The following CPAMD8 variants were observed in gnomAD, a reference collection of about 807,000 sequenced individuals.
CPAMD8 encodes the protein C3 and PZP like alpha-2-macroglobulin domain containing 8.
In CPAMD8, 146 loss-of-function variants were observed where a neutral mutation model predicts 224.7. That is an observed-to-expected ratio of 0.65 (90% CI 0.57 to 0.75). CPAMD8 has a LOEUF of 0.75. CPAMD8 is among the 30% of genes least tolerant of loss of function. The pLI is 0.00. For missense variants in CPAMD8, 2,301 were observed against 2,537.5 expected (o/e 0.91, Z 2.00); for synonymous variants, 966 against 1,044.6 (o/e 0.92, Z 1.45).
At chr19:16,912,778 T>C (rs896294323) in intron 29 of CPAMD8, among the ~76,000 whole-genome samples, 1 of 151,828 alleles carries the variant, frequency 6.6e-6, no homozygotes, top group Non-Finnish European at 1.5e-5. Context: ...CACCTCAAGA[T>C]ATGTGTCATA....
rs561616813 is a variant in CPAMD8 at position 16,957,916 on chromosome 19, C to A, written c.2214-1G>T. The A allele has an allele frequency of 1.9e-6, 3 of 1,612,566 alleles. No homozygotes were observed. The highest frequency in any genetic ancestry group is 2.5e-6 in the Non-Finnish European group (3 of 1,179,420). On this transcript the variant is annotated splice_acceptor_variant, in intron 18 of 41. Transcript: ENST00000443236. LOFTEE classifies it high-confidence loss of function. ...GAAAGTCCTTTTTCTCTTCTCTGTT[C>A]TATGAAAAGAAAAAAAGAAACGATT... is the stretch of plus-strand genomic sequence containing the variant.
At position 16,970,939 on chromosome 19, in the gene CPAMD8, G is replaced by T. The variant is rs761612555; in HGVS notation, c.2165C>A (p.Pro722His). The T allele has an allele frequency of 5.0e-6, 8 of 1,613,944 alleles. No individual in the cohort carries two copies. Among genetic ancestry groups the T allele is most frequent in the Non-Finnish European group, 6.8e-6 (8 of 1,179,962 alleles). Residue 722 changes from proline to histidine, a missense_variant, in exon 18 of 42, where the codon CCC (proline) becomes CAC (histidine). Pro to His is a moderately conservative substitution (Grantham distance 77). Coordinates refer to ENST00000443236, the MANE Select transcript of CPAMD8 (RefSeq NM_015692.5). ...YTDEAVPAFQ[P>H]HTGSLVAVAP... Reference sequence around the variant, plus strand: ...CACTGCCACCAGGCTCCCTGTGTGGGGCTGGAAAGCGGGGACAGCCTCATC... The same window carrying T: ...CACTGCCACCAGGCTCCCTGTGTGGTGCTGGAAAGCGGGGACAGCCTCATC...
intron 9 of CPAMD8, 120 bp from the exon 10 acceptor site, chr19:17,000,642 C>T (rs2056281568): frequency 8.4e-6 from 5 of 597,596 alleles, no homozygotes; most frequent in South Asian, 4.1e-5. Context: ...GCAGCTCCCT[C>T]CACACCCTGC....
rs553745394 is a variant in CPAMD8 at position 17,006,393 on chromosome 19, C to T, written c.560-2007G>A. ...AAAAAATTAGCTGGGCTTGGTGGCA[C>T]GCGCCTGTGGTCCCACCTACTTGGG... On this transcript the variant is annotated intron_variant, in intron 7 of 41. Coordinates refer to ENST00000443236, the MANE Select transcript of CPAMD8 (RefSeq NM_015692.5). 2.1e-3 allele frequency among the ~76,000 whole-genome samples: 325 copies of T among 152,116 alleles called. 1 individual carries two copies. The highest frequency in any genetic ancestry group is 6.8e-3 in the Middle Eastern group (2 of 292).
intron 18 of CPAMD8, among the ~76,000 whole-genome samples, chr19:16,965,154 G>A (rs2054787553): frequency 6.6e-6 from 1 of 151,918 alleles, no homozygotes; most frequent in Admixed American, 6.6e-5. Flanking sequence ...CAGCTACTCA[G>A]GAGGCTGAGG....
At position 16,975,176 on chromosome 19, in the gene CPAMD8, A is replaced by G. The variant is rs2055215668; in HGVS notation, c.1991T>C (p.Leu664Pro). The stretch of plus-strand genomic sequence containing the variant: ...GGAGCGCCGGCGTCGTTGTGCCGTC[A>G]GCCCAGCCCACCAAAAAGGACCATC... ...REDGPFWWAG[L>P]TAQRRRRSSV... The change falls in exon 17 of 42, where the codon CTG becomes CCG. Residue 664 changes from leucine (L) to proline (P), a missense_variant. Physicochemically the swap from Leu to Pro is moderately conservative, Grantham distance 98. Transcript: ENST00000443236. The G allele has an allele frequency of 6.2e-7, 1 of 1,612,324 alleles. No homozygotes were observed. The highest frequency in any genetic ancestry group is 2.2e-5 in the East Asian group (1 of 44,852).
rs149849849 is a variant in CPAMD8, at chr19:16,979,269, G to GCCAT, written c.1585+1224_1585+1227dup. Among the ~76,000 whole-genome samples, 225 of 145,016 alleles carry GCCAT rather than the reference G, an allele frequency of 1.6e-3. 1 individual carries two copies. Among genetic ancestry groups the GCCAT allele is most frequent in the African/African-American group, 5.5e-3 (211 of 38,590 alleles). ...CTAATCCTCATCCACCCACCCATTA[G>GCCAT]CCATCCATCCATCCATCCTTCTGTA... On this transcript the variant is annotated intron_variant, in intron 14 of 41. Coordinates refer to ENST00000443236, the MANE Select transcript of CPAMD8 (RefSeq NM_015692.5).
At chr19:16,993,707 T>G (rs1453421430) in intron 11 of CPAMD8, 121 bp from the exon 12 acceptor site, 1 of 915,802 alleles carries the variant, frequency 1.1e-6, no homozygotes, top group Non-Finnish European at 1.6e-6. Context: ...ATTGACAAAC[T>G]GCTCCTGAAA....
At chr19:16,972,591 C>T (rs1281980660) in intron 17 of CPAMD8, among the ~76,000 whole-genome samples, 4 of 152,082 alleles carry the variant, frequency 2.6e-5, no homozygotes, top group Non-Finnish European at 5.9e-5. Flanking sequence ...CCCGCCACCA[C>T]GCCCGGCTAA....
intron 26 of CPAMD8, among the ~76,000 whole-genome samples, chr19:16,924,125 A>G (rs145863157): frequency 1.5e-3 from 225 of 152,272 alleles, no homozygotes; most frequent in African/African-American, 4.8e-3. Flanking sequence ...AGTAGGAACC[A>G]GCTCTGCGGA....
intron 13 of CPAMD8, among the ~76,000 whole-genome samples, chr19:16,983,109 A>G (rs1044458308): frequency 1.1e-4 from 17 of 151,424 alleles, no homozygotes; most frequent in Non-Finnish European, 2.1e-4. Context: ...AATCCATTAA[A>G]CCTCTTTTTC....
chr19:16,947,269 C>A (rs747018960), intron 20 of CPAMD8, 42 bp from the exon 21 acceptor site: 38 of 1,580,336 alleles, frequency 2.4e-5, no homozygotes, highest in Non-Finnish European at 3.0e-5. Context: ...GGAATCCAGA[C>A]CCCCTCCCAG....
intron 18 of CPAMD8, among the ~76,000 whole-genome samples, chr19:16,966,789 A>G (rs2054841703): frequency 1.3e-5 from 2 of 152,224 alleles, no homozygotes; most frequent in Non-Finnish European, 2.9e-5. Flanking sequence ...CCACAATGAG[A>G]TACCATCTCA....
chr19:16,976,571 AGAGTG>A (rs1262129686), intron 15 of CPAMD8, among the ~76,000 whole-genome samples: 1 of 152,022 alleles, frequency 6.6e-6, no homozygotes, highest in Non-Finnish European at 1.5e-5. Context: ...CCCACCAAGG[AGAGTG>A]GGTCTTTGCC....
chr19:16,992,586 A>T (rs1235032192), intron 12 of CPAMD8, among the ~76,000 whole-genome samples: 4 of 151,846 alleles, frequency 2.6e-5, no homozygotes, highest in Admixed American at 6.6e-5. Context: ...AGAGTGGCTG[A>T]GATTACAGGC....
At chr19:16,900,431 C>T (rs2052205573) in intron 36 of CPAMD8, among the ~76,000 whole-genome samples, 1 of 151,872 alleles carries the variant, frequency 6.6e-6, no homozygotes, top group African/African-American at 2.4e-5. Flanking sequence ...AACTCCATCT[C>T]TACTCAATAC....
chr19:16,993,115 G>A (rs1043688044), intron 12 of CPAMD8, among the ~76,000 whole-genome samples: 1 of 152,182 alleles, frequency 6.6e-6, no homozygotes, highest in African/African-American at 2.4e-5. Context: ...CCTGCACCCA[G>A]GCTGTTCCAC....
At chr19:16,939,876 TTTGTTG>T (rs746563623) in intron 22 of CPAMD8, among the ~76,000 whole-genome samples, 4 of 151,992 alleles carry the variant, frequency 2.6e-5, no homozygotes, top group Non-Finnish European at 5.9e-5. Context: ...CTTTAGCTTT[TTTGTTG>T]TTGTTGTTGT....
intron 18 of CPAMD8, among the ~76,000 whole-genome samples, chr19:16,964,246 C>G (rs928670348): frequency 3.7e-4 from 57 of 152,024 alleles, no homozygotes; most frequent in African/African-American, 1.4e-3. Context: ...TCAATGAATC[C>G]AGGAGCTGGT....
Sources: gnomAD v4.1 joint callset for allele counts (sites outside exome capture counted in the v4.1 genomes callset) on GRCh38, gnomAD v4.1.1 for gene constraint, MANE v1.5 for transcripts, NCBI Gene and HGNC (gene_info 2026-07-23, HGNC 2026-07-21) for gene names.